The following UVRAG variants were observed in gnomAD, a reference collection of about 807,000 sequenced individuals.
UVRAG encodes the protein UV radiation resistance-associated gene protein.
Under a neutral mutation model 78.0 loss-of-function variants are expected in UVRAG, and 19 were observed. That is an observed-to-expected ratio of 0.24 (90% CI 0.17 to 0.36). The LOEUF (loss-of-function observed/expected upper bound fraction) is 0.36, where lower values mean the gene tolerates loss of function less well. Ranked by LOEUF, UVRAG falls within the 10% of genes least tolerant of loss-of-function variation. The probability of loss-of-function intolerance (pLI) is 1.00; values close to 1 mark genes in which losing one functional copy is unlikely to be tolerated. For synonymous variants in UVRAG, 323 were observed against 324.6 expected, an observed-to-expected ratio of 1.00 and a Z score of 0.05; for missense variants, 740 against 853.8, an observed-to-expected ratio of 0.87 and a Z score of 1.66.
At position 75,944,664 on chromosome 11, in the gene UVRAG, T is replaced by C. The variant is rs141100825; in HGVS notation, c.594-16780T>C. Among the ~76,000 whole-genome samples, 78 of 152,256 alleles carry C rather than the reference T, an allele frequency of 5.1e-4. 1 individual carries two copies. The East Asian group carries it at 0.014, about 27-fold the overall frequency. On this transcript the variant is annotated intron_variant, in intron 6 of 14. Coordinates refer to ENST00000356136, the MANE Select transcript of UVRAG (RefSeq NM_003369.4). ...CAATCTAAGCCTTTGAACAAAGATA[T>C]AGAAAATTGACTAAGTTAATGCAGT...
intron 13 of UVRAG, among the ~76,000 whole-genome samples, chr11:76,077,718 A>G (rs539639296): frequency 6.6e-6 from 1 of 152,214 alleles, no homozygotes; most frequent in Non-Finnish European, 1.5e-5. Flanking sequence ...AAACAAAGAA[A>G]TTCAGACCCT....
chr11:75,865,907 G>T (rs576360030), intron 3 of UVRAG, among the ~76,000 whole-genome samples: 2 of 152,034 alleles, frequency 1.3e-5, no homozygotes, highest in African/African-American at 4.8e-5. Flanking sequence ...GAGCCACCAC[G>T]CCTGGCCAGG....
chr11:75,815,231 C>CCAGCGGCGGCAACGGCGG lies in UVRAG; in HGVS notation c.-165_-148dup, dbSNP rs1359293131. ...CTGCGGTAATATGGCTCTTCCTTAG[C>CCAGCGGCGGCAACGGCGG]CAGCGGCGGCAACGGCGGCAGCGGC... On this transcript the variant is annotated 5_prime_UTR_variant, in exon 1 of 15. Coordinates refer to ENST00000356136, the MANE Select transcript of UVRAG (RefSeq NM_003369.4). 59 of 445,286 alleles carry CCAGCGGCGGCAACGGCGG rather than the reference C, an allele frequency of 1.3e-4. No homozygotes were observed. The highest frequency in any genetic ancestry group is 1.9e-4 in the South Asian group (4 of 20,842). 27.6% of individuals were successfully genotyped at this position (445,286 alleles called of 1,614,324 possible).
intron 6 of UVRAG, among the ~76,000 whole-genome samples, chr11:75,914,023 T>C (rs1947795172): frequency 6.6e-6 from 1 of 152,214 alleles, no homozygotes. Context: ...ATAACACAGA[T>C]ATACTTTTCC....
At chr11:75,922,862 A>T (rs985817177) in intron 6 of UVRAG, among the ~76,000 whole-genome samples, 7 of 151,294 alleles carry the variant, frequency 4.6e-5, no homozygotes, top group African/African-American at 1.7e-4. Context: ...GAACCCAGGC[A>T]GCGGAGGTTG....
At chr11:76,079,823 T>C (rs1672650150) in intron 13 of UVRAG, among the ~76,000 whole-genome samples, 1 of 152,224 alleles carries the variant, frequency 6.6e-6, no homozygotes, top group African/African-American at 2.4e-5. Flanking sequence ...CAGTTAAATA[T>C]GTTTATCATA....
intron 8 of UVRAG, among the ~76,000 whole-genome samples, chr11:75,988,185 G>A (rs754846577): frequency 3.3e-5 from 5 of 152,060 alleles, no homozygotes; most frequent in Non-Finnish European, 7.4e-5. Flanking sequence ...GATGAGTTTA[G>A]CTAATGTATT....
At position 75,851,983 on chromosome 11, in the gene UVRAG, C is replaced by T; in HGVS notation, c.218C>T (p.Thr73Ile). The T allele has an allele frequency of 6.2e-7, 1 of 1,603,436 alleles. No individual in the cohort carries two copies. The highest frequency in any genetic ancestry group is 8.5e-7 in the Non-Finnish European group (1 of 1,172,822). The change falls in exon 2 of 15, where the codon ACT (threonine) becomes ATT (isoleucine). Residue 73 changes from threonine to isoleucine, a missense_variant. Thr to Ile is a moderately conservative substitution (Grantham distance 89). Coordinates refer to ENST00000356136, the MANE Select transcript of UVRAG (RefSeq NM_003369.4). ...TACTTTACACTTCACTTGTGTAGTA[C>T]TGAAAAGATATATAAAGGTAAGGGG... ...DTYFTLHLCS[T>I]EKIYKEFYRS...
At chr11:76,053,878 G>A (rs1950924461) in intron 12 of UVRAG, among the ~76,000 whole-genome samples, 1 of 151,854 alleles carries the variant, frequency 6.6e-6, no homozygotes, top group African/African-American at 2.4e-5. Flanking sequence ...GCTGAGGCAG[G>A]GGAATCATTT....
chr11:75,918,568 A>G lies in UVRAG; in HGVS notation c.593+6529A>G, dbSNP rs1947910580. Among the ~76,000 whole-genome samples the G allele has an allele frequency of 2.0e-5, 3 of 152,240 alleles. No individual in the cohort carries two copies. The South Asian group carries it at 6.2e-4, about 32-fold the overall frequency. On this transcript the variant is annotated intron_variant, in intron 6 of 14. Transcript: ENST00000356136. ...CTCCCTACTTGTATAATCAATAACT[A>G]TCATTTATGGAGTGCTTACTGTGTT...
intron 1 of UVRAG, among the ~76,000 whole-genome samples, chr11:75,829,268 T>C (rs185887946): frequency 6.5e-4 from 99 of 152,252 alleles, no homozygotes; most frequent in Non-Finnish European, 1.3e-3. Context: ...AACTGCAAAT[T>C]AGTGCATTTT....
intron 6 of UVRAG, among the ~76,000 whole-genome samples, chr11:75,951,005 T>C (rs999733656): frequency 1.6e-3 from 217 of 132,618 alleles, no homozygotes; most frequent in Middle Eastern, 7.1e-3. Flanking sequence ...CACACACACA[T>C]ATCCCAAGTG....
intron 6 of UVRAG, among the ~76,000 whole-genome samples, chr11:75,916,940 AG>A (rs1947869505): frequency 6.6e-6 from 1 of 152,202 alleles, no homozygotes; most frequent in African/African-American, 2.4e-5. Context: ...AAATACCTCA[AG>A]CACCAGTCTT....
chr11:76,058,504 A>G (rs193241841), intron 12 of UVRAG, among the ~76,000 whole-genome samples: 2 of 148,238 alleles, frequency 1.3e-5, no homozygotes, highest in African/African-American at 2.5e-5. Context: ...ACTGCACTCC[A>G]GCCTGGGAGA....
chr11:76,092,856 T>G (rs1174923956), intron 13 of UVRAG, among the ~76,000 whole-genome samples: 1 of 152,172 alleles, frequency 6.6e-6, no homozygotes, highest in Admixed American at 6.5e-5. Context: ...CCCATTTGTC[T>G]ATTTTGGCTT....
chr11:75,975,376 A>G (rs1949216791), intron 7 of UVRAG, among the ~76,000 whole-genome samples: 1 of 152,154 alleles, frequency 6.6e-6, no homozygotes, highest in Admixed American at 6.5e-5. Flanking sequence ...TATGAACTTT[A>G]AAGTAGTTTT....
intron 6 of UVRAG, among the ~76,000 whole-genome samples, chr11:75,955,983 A>AC (rs1948789588): frequency 6.6e-6 from 1 of 152,112 alleles, no homozygotes; most frequent in Admixed American, 6.5e-5. Context: ...TTGATTTGTC[A>AC]CCATAGGTTG....
At chr11:76,111,003 AC>A (rs1156931125) in intron 13 of UVRAG, among the ~76,000 whole-genome samples, 1 of 151,790 alleles carries the variant, frequency 6.6e-6, no homozygotes, top group Non-Finnish European at 1.5e-5. Flanking sequence ...GGAGGCGCAC[AC>A]CACCACACCT....
chr11:75,873,360 A>G (rs967309498), intron 3 of UVRAG, among the ~76,000 whole-genome samples: 1 of 151,882 alleles, frequency 6.6e-6, no homozygotes, highest in Non-Finnish European at 1.5e-5. Context: ...AATTCTGCAA[A>G]TATTTGAATA....
Sources: allele counts gnomAD v4.1 joint callset (sites outside exome capture counted in the v4.1 genomes callset), GRCh38; gene constraint gnomAD v4.1.1; transcripts MANE v1.5; gene names NCBI Gene and HGNC (gene_info 2026-07-23, HGNC 2026-07-21).